SNRPN: variants seen among roughly 807,000 people sequenced by gnomAD.
The protein encoded by SNRPN is small nuclear ribonucleoprotein polypeptide N, also known as small nuclear ribonucleoprotein-associated protein N.
SNRPN carries 7 observed loss-of-function variants against 25.2 expected under a neutral mutation model. The ratio of observed to expected loss-of-function variants is 0.28; its 90% CI spans 0.16 to 0.52. The LOEUF is 0.52. Among genes scored for constraint, SNRPN ranks in the 20% least tolerant of loss-of-function variants. The probability of loss-of-function intolerance (pLI) is 0.96; values close to 1 mark genes in which losing one functional copy is unlikely to be tolerated. For missense variants in SNRPN, 196 were observed against 322.5 expected (o/e 0.61, Z 3.00); for synonymous variants, 124 against 110.6 (o/e 1.12, Z -0.76).
At chr15:24,850,736 T>A (rs2052744306) in intron 2 of SNRPN, 1 of 152,332 alleles carries the variant, frequency 6.6e-6, no homozygotes, top group Admixed American at 6.5e-5. Context: ...TATGTGTTCA[T>A]CTTTGTGGTG....
chr15:24,827,251 A>C (rs965082572), intron 1 of SNRPN, among the ~76,000 whole-genome samples: 6 of 151,988 alleles, frequency 3.9e-5, no homozygotes, highest in African/African-American at 1.5e-4. Context: ...GCGGTGGCTC[A>C]CGCCTGTAAT....
chr15:24,880,227 G>A (rs1399519394), intron 1 of SNRPN, among the ~76,000 whole-genome samples: 2 of 152,148 alleles, frequency 1.3e-5, no homozygotes, highest in Non-Finnish European at 2.9e-5. Context: ...CAACATGATG[G>A]TCTGAGAGGT....
At chr15:24,837,432 GATCTT>G (rs1566810217) in intron 2 of SNRPN, among the ~76,000 whole-genome samples, 1 of 150,552 alleles carries the variant, frequency 6.6e-6, no homozygotes, top group African/African-American at 2.5e-5. Context: ...CAGTGGCTGC[GATCTT>G]GGCTCACTGC....
intron 1 of SNRPN, among the ~76,000 whole-genome samples, chr15:24,884,727 A>G (rs7178636): frequency 0.61 from 93,426 of 151,990 alleles, 29,013 homozygotes; most frequent in South Asian, 0.71. Flanking sequence ...TCTTATTTTG[A>G]TATGAGAAAC....
intron 1 of SNRPN, among the ~76,000 whole-genome samples, chr15:24,826,196 A>T (rs1276981380): frequency 6.6e-6 from 1 of 152,052 alleles, no homozygotes; most frequent in Non-Finnish European, 1.5e-5. Flanking sequence ...GGCTGGCATA[A>T]GTCAATTTCT....
chr15:24,936,313 G>T (rs960680772), intron 3 of SNRPN, among the ~76,000 whole-genome samples: 1 of 152,138 alleles, frequency 6.6e-6, no homozygotes, highest in African/African-American at 2.4e-5. Context: ...GGCCAAGTTA[G>T]GCTCCCATGT....
chr15:24,936,980 C>T (rs922976935), intron 3 of SNRPN, among the ~76,000 whole-genome samples: 1 of 152,138 alleles, frequency 6.6e-6, no homozygotes, highest in Non-Finnish European at 1.5e-5. Context: ...TGCGATGGCT[C>T]ACGTGTGTAA....
In SNRPN at chr15:24,838,525, T is replaced by G. The variant is rs966807462; in HGVS notation, c.-579+8620T>G. The stretch of plus-strand genomic sequence containing the variant: ...TTCCTGGCCTCTGCTGCCATGACCC[T>G]GTAGAAAGAATGGATTACGAGATTC... On this transcript the variant is annotated intron_variant, in intron 2 of 12. Coordinates refer to the SNRPN transcript ENST00000400100. 2.6e-5 allele frequency among the ~76,000 whole-genome samples: 4 copies of G among 152,138 alleles called. 1 individual carries two copies. The highest frequency in any genetic ancestry group is 9.7e-5 in the African/African-American group (4 of 41,386).
chr15:24,856,741 T>C (rs562771122), intron 1 of SNRPN: 1 of 152,352 alleles, frequency 6.6e-6, no homozygotes, highest in East Asian at 1.9e-4. Flanking sequence ...TGCTTTTGTG[T>C]TTTTGTTTTA....
chr15:24,953,577 TC>T (rs2062452687), upstream of SNRPN, among the ~76,000 whole-genome samples: 1 of 152,192 alleles, frequency 6.6e-6, no homozygotes, highest in Non-Finnish European at 1.5e-5. Context: ...CACCTCGGCC[TC>T]CCAAAGTGCT....
intron 1 of SNRPN, among the ~76,000 whole-genome samples, chr15:24,829,355 G>C (rs367838078): frequency 2.6e-5 from 4 of 152,102 alleles, no homozygotes; most frequent in African/African-American, 9.7e-5. Flanking sequence ...AGATTGTGGA[G>C]AGTGAGGAGC....
chr15:24,939,621 C>G (rs977843848), intron 3 of SNRPN, among the ~76,000 whole-genome samples: 3 of 151,818 alleles, frequency 2.0e-5, no homozygotes, highest in African/African-American at 7.3e-5. Flanking sequence ...TTAGTAGAGA[C>G]GGGGTTTCAC....
chr15:24,876,259 T>C (rs1014291007), intron 1 of SNRPN, among the ~76,000 whole-genome samples: 5 of 152,008 alleles, frequency 3.3e-5, no homozygotes, highest in Admixed American at 1.3e-4. Context: ...CCAAAATACA[T>C]TTCTCCTTTA....
chr15:24,920,214 T>G (rs965922143), intron 3 of SNRPN: 1 of 152,204 alleles, frequency 6.6e-6, no homozygotes, highest in African/African-American at 2.4e-5. Flanking sequence ...TCCTCTGTTA[T>G]AAATGCTTGT....
At chr15:24,915,803 T>C (rs148555829) in intron 2 of SNRPN, among the ~76,000 whole-genome samples, 2 of 152,262 alleles carry the variant, frequency 1.3e-5, no homozygotes, top group African/African-American at 4.8e-5. Flanking sequence ...GTTGCTACTA[T>C]AAAAATTTTA....
At chr15:24,916,826 G>A (rs763732161) in intron 2 of SNRPN, among the ~76,000 whole-genome samples, 1 of 152,132 alleles carries the variant, frequency 6.6e-6, no homozygotes, top group South Asian at 2.1e-4. Flanking sequence ...CTGAACCTTC[G>A]TGGTGAGTGT....
intron 2 of SNRPN, among the ~76,000 whole-genome samples, chr15:24,911,892 T>C (rs1212605681): frequency 6.6e-6 from 1 of 152,078 alleles, no homozygotes; most frequent in Non-Finnish European, 1.5e-5. Context: ...GTAGATCCGG[T>C]AGTGCGTATT....
rs2077259097 is a variant in SNRPN at position 24,977,983 on chromosome 15, C to G, written c.559+67C>G. The G allele has an allele frequency of 2.1e-6, 3 of 1,431,694 alleles. No individual in the cohort carries two copies. In the Admixed American group the frequency reaches 7.0e-5, roughly 33 times the overall value. The allele number at this position is 1,431,694 out of a possible 1,614,324, so 88.7% of individuals were successfully genotyped here. A position where few individuals can be genotyped will look rare whatever the true frequency, so the allele number is the denominator to read the frequency against. On this transcript the variant is annotated intron_variant, in intron 8 of 9. Transcript: ENST00000390687. The stretch of plus-strand genomic sequence containing the variant: ...TGAGAGATAGCTTACTGATTTAAGA[C>G]ACAGCCTGAGAGCCTAAGAATTTGG...
Position 24,974,382 on chromosome 15 carries a change from T to C in SNRPN, c.-72T>C, listed in dbSNP as rs2076822084. 7 of 1,454,066 alleles carry C rather than the reference T, an allele frequency of 4.8e-6. No homozygotes were observed. The highest frequency in any genetic ancestry group is 5.8e-6 in the Non-Finnish European group (6 of 1,034,238). 90.1% of individuals were successfully genotyped at this position (1,454,066 alleles called of 1,614,324 possible). A position where few individuals can be genotyped will look rare whatever the true frequency, so the allele number is the denominator to read the frequency against. On this transcript the variant is annotated 5_prime_UTR_variant, in exon 4 of 10. Coordinates refer to ENST00000390687, the MANE Select transcript of SNRPN (RefSeq NM_003097.6). ...GGAGAACCTGCGTCATACCTTTATC[T>C]ATAGCCTTCCCCTAGGTCTTCAGAA...
Sources: gnomAD v4.1 joint callset for allele counts (sites outside exome capture counted in the v4.1 genomes callset) on GRCh38, gnomAD v4.1.1 for gene constraint, MANE v1.5 for transcripts, NCBI Gene and HGNC (gene_info 2026-07-23, HGNC 2026-07-21) for gene names.